The following KIAA0753 variants were observed in gnomAD, a reference collection of about 807,000 sequenced individuals.
KIAA0753 encodes KIAA0753, also known as protein moonraker.
A neutral mutation model predicts 116.9 loss-of-function variants in KIAA0753; 114 were observed. That is an observed-to-expected ratio of 0.98 (90% confidence interval 0.84 to 1.14). KIAA0753 has a LOEUF of 1.14. KIAA0753 is among the 50% of genes most tolerant of loss of function. KIAA0753 has a pLI of 0.00. For missense variants in KIAA0753, 1,156 were observed against 1,172.4 expected (o/e 0.99, Z 0.20); for synonymous variants, 405 against 413.1 (o/e 0.98, Z 0.24).
At chr17:6,621,826 C>T (rs556447367) in intron 6 of KIAA0753, among the ~76,000 whole-genome samples, 1 of 152,118 alleles carries the variant, frequency 6.6e-6, no homozygotes, top group African/African-American at 2.4e-5. Flanking sequence ...ATGTTTCTTA[C>T]GGATACGTTA....
chr17:6,628,783 T>G, intron 2 of KIAA0753, 42 bp from the exon 3 acceptor site: 1 of 1,536,242 alleles, frequency 6.5e-7, no homozygotes, highest in Non-Finnish European at 8.7e-7. Flanking sequence ...CAGAAAAATT[T>G]CATATTGCAC....
chr17:6,628,666 T>C lies in KIAA0753; in HGVS notation c.169A>G (p.Ile57Val), dbSNP rs764920819. Residue 57 changes from isoleucine to valine, a missense_variant, in exon 3 of 19, where the codon ATT (isoleucine) becomes GTT (valine). Ile to Val is a conservative substitution (Grantham distance 29). Transcript: ENST00000361413. ...LAIRYSCPHA[I>V]RIEKLKHSYN... Reference sequence around the variant, plus strand: ...GAGTGCTTCAGTTTTTCAATTCTAATGGCATGTGGGCAAGAATATCGGATC... The same window carrying C: ...GAGTGCTTCAGTTTTTCAATTCTAACGGCATGTGGGCAAGAATATCGGATC... 1.2e-5 allele frequency: 19 copies of C among 1,614,042 alleles called. No homozygotes were observed. In the South Asian group the frequency reaches 1.6e-4, roughly 14 times the overall value.
intron 15 of KIAA0753, 66 bp downstream of exon 15, chr17:6,596,092 G>A (rs1969457283): frequency 4.1e-6 from 6 of 1,477,114 alleles, no homozygotes; most frequent in South Asian, 1.2e-5. Flanking sequence ...AGAGGCATGA[G>A]GAGAAATTGC....
At chr17:6,619,828 TAA>T (rs894918982) in intron 7 of KIAA0753, among the ~76,000 whole-genome samples, 6 of 152,176 alleles carry the variant, frequency 3.9e-5, no homozygotes, top group African/African-American at 1.4e-4. Context: ...TCTAGAGAAA[TAA>T]AAGAGTTAAC....
At chr17:6,626,818 C>A (rs1015791656) in intron 3 of KIAA0753, among the ~76,000 whole-genome samples, 1 of 152,062 alleles carries the variant, frequency 6.6e-6, no homozygotes, top group Non-Finnish European at 1.5e-5. Flanking sequence ...ATAAACCAAC[C>A]CAGTCCTTCC....
At chr17:6,602,394 C>T (rs920559863) in intron 12 of KIAA0753, among the ~76,000 whole-genome samples, 1 of 152,172 alleles carries the variant, frequency 6.6e-6, no homozygotes, top group African/African-American at 2.4e-5. Flanking sequence ...AATGAACAAA[C>T]AGAATGTGGT....
chr17:6,596,448 A>G (rs1028036649), intron 14 of KIAA0753, 105 bp from the exon 15 acceptor site: 2 of 897,342 alleles, frequency 2.2e-6, no homozygotes, highest in African/African-American at 3.3e-5. Context: ...TAATCATAAT[A>G]AACCAACAGC....
chr17:6,615,463 C>T (rs1970833333), intron 7 of KIAA0753, among the ~76,000 whole-genome samples: 1 of 151,674 alleles, frequency 6.6e-6, no homozygotes, highest in African/African-American at 2.4e-5. Flanking sequence ...AAAAGTGCTC[C>T]ACTTAATAAG....
In KIAA0753 at chr17:6,596,244, A is replaced by G. The variant is rs530012548; in HGVS notation, c.2272T>C (p.Leu758=). The G allele has an allele frequency of 2.5e-6, 4 of 1,613,888 alleles. No homozygotes were observed. Among genetic ancestry groups the G allele is most frequent in the Admixed American group, 3.3e-5 (2 of 60,006 alleles). Reference sequence around the variant, plus strand: ...ACGGTGGCTAAGGTTTCAGACCCCAAGATCTTAGCATGAGTCACAGCCCAG... The same window carrying G: ...ACGGTGGCTAAGGTTTCAGACCCCAGGATCTTAGCATGAGTCACAGCCCAG... ...ELWAVTHAKI[L]GSETLATVED... Residue 758 remains leucine (L), a synonymous_variant, in exon 15 of 19, where the codon TTG becomes CTG. Coordinates refer to ENST00000361413, the MANE Select transcript of KIAA0753 (RefSeq NM_014804.3).
chr17:6,610,007 C>T lies in KIAA0753; in HGVS notation c.1699G>A (p.Ala567Thr), dbSNP rs1970425729. 1.2e-6 allele frequency: 2 copies of T among 1,613,940 alleles called. No homozygotes were observed. The highest frequency in any genetic ancestry group is 2.7e-5 in the African/African-American group (2 of 74,900). The change falls in exon 9 of 19, where the codon GCG becomes ACG. Residue 567 changes from alanine to threonine, a missense_variant. Ala to Thr is a moderately conservative substitution (Grantham distance 58). Transcript: ENST00000361413. ...WIPPNPTSPP[A>T]SPKCAAWLKV... is the part of the protein sequence containing the mutation. ...GTTTTCACATACCATTTAGGAGACG[C>T]TGGTGGGGATGTGGGGTTTGGGGGT... is the stretch of plus-strand genomic sequence containing the variant.
chr17:6,579,681 G>T lies in KIAA0753; in HGVS notation c.*66C>A, dbSNP rs2150708848. 2 of 1,145,968 alleles carry T rather than the reference G, an allele frequency of 1.7e-6. No homozygotes were observed. Among genetic ancestry groups the T allele is most frequent in the Non-Finnish European group, 1.3e-6 (1 of 763,848 alleles). The allele number at this position is 1,145,968 out of a possible 1,614,324, so 71.0% of individuals were successfully genotyped here. Reference sequence around the variant, plus strand: ...AGCTGAGGATGAAAATTTCCTGTGGGCCAAAACAAAGGGTGGTGCCATCCC... The same window carrying T: ...AGCTGAGGATGAAAATTTCCTGTGGTCCAAAACAAAGGGTGGTGCCATCCC... On this transcript the variant is annotated 3_prime_UTR_variant, in exon 19 of 19. Coordinates refer to ENST00000361413, the MANE Select transcript of KIAA0753 (RefSeq NM_014804.3).
In KIAA0753 at chr17:6,579,800, C is replaced by T. The variant is rs1253310419; in HGVS notation, c.2851G>A (p.Glu951Lys). The change falls in exon 19 of 19, where the codon GAA becomes AAA. Residue 951 changes from glutamate to lysine, a missense_variant. Glu to Lys is a moderately conservative substitution (Grantham distance 56, BLOSUM62 1). Transcript: ENST00000361413. The part of the protein sequence containing the change: ...AVAAELQDMC[E>K]DYAEAVFTSE... ...GTGAACACAGCTTCTGCATAATCTT[C>T]GCACATATCCTGAAGTTCAGCAGCC... The T allele has an allele frequency of 1.5e-5, 24 of 1,613,920 alleles. No homozygotes were observed. The highest frequency in any genetic ancestry group is 2.2e-5 in the East Asian group (1 of 44,882).
chr17:6,596,543 T>C (rs1482628761), intron 14 of KIAA0753, among the ~76,000 whole-genome samples, 200 bp from the exon 15 acceptor site: 2 of 152,244 alleles, frequency 1.3e-5, no homozygotes, highest in African/African-American at 2.4e-5. Context: ...ATCAGAATGA[T>C]TTTTATCACA....
chr17:6,628,226 C>T lies in KIAA0753; in HGVS notation c.609G>A (p.Arg203=). The change falls in exon 3 of 19, where the codon AGG becomes AGA. Residue 203 remains arginine, a synonymous_variant. Coordinates refer to ENST00000361413, the MANE Select transcript of KIAA0753 (RefSeq NM_014804.3). ...CACTTATGTTTTTGTGGTCACCTAT[C>T]CTGGGATGAGGCTGAAGTCCCGGAT... is the stretch of plus-strand genomic sequence containing the variant. ...THDPGLQPHP[R]IGDHKNISEQ... is the part of the protein sequence containing the mutation. The T allele has an allele frequency of 6.2e-7, 1 of 1,612,006 alleles. No individual in the cohort carries two copies. Among genetic ancestry groups the T allele is most frequent in the Non-Finnish European group, 8.5e-7 (1 of 1,179,022 alleles).
chr17:6,632,382 A>G (rs1972067845), intron 2 of KIAA0753, among the ~76,000 whole-genome samples: 1 of 152,250 alleles, frequency 6.6e-6, no homozygotes, highest in Non-Finnish European at 1.5e-5. Context: ...CTGTGCTGAA[A>G]TAAATAAGTA....
At chr17:6,591,070 A>AGGAAGAAGGAAGAAG (rs879668434) in intron 16 of KIAA0753, among the ~76,000 whole-genome samples, 10 of 129,754 alleles carry the variant, frequency 7.7e-5, no homozygotes, top group African/African-American at 3.2e-4. Flanking sequence ...AAGAAGAAGA[A>AGGAAGAAGGAAGAAG]GAAGAAGAAG....
At position 6,628,535 on chromosome 17, in the gene KIAA0753, A is replaced by G. The variant is rs770004846; in HGVS notation, c.300T>C (p.Ala100=). 6.2e-6 allele frequency: 10 copies of G among 1,614,114 alleles called. No individual in the cohort carries two copies. In the South Asian group the frequency reaches 9.9e-5, roughly 16 times the overall value. The change falls in exon 3 of 19, where the codon GCT becomes GCC. Residue 100 remains alanine, a synonymous_variant. Coordinates refer to ENST00000361413, the MANE Select transcript of KIAA0753 (RefSeq NM_014804.3). ...SVISQERLSY[A]VHLARRDVKR... is the part of the protein sequence containing the mutation. ...TCACATCTCTTCTGGCTAGGTGGAC[A>G]GCATAGCTAAGTCTCTCTTGGGATA...
chr17:6,591,548 C>A (rs767098097), intron 16 of KIAA0753, among the ~76,000 whole-genome samples: 1 of 152,212 alleles, frequency 6.6e-6, no homozygotes, highest in Non-Finnish European at 1.5e-5. Context: ...TACTACGATT[C>A]CATGATTCCA....
intron 3 of KIAA0753, among the ~76,000 whole-genome samples, chr17:6,626,285 G>T (rs774733364): frequency 1.3e-5 from 2 of 152,138 alleles, no homozygotes; most frequent in African/African-American, 4.8e-5. Flanking sequence ...AAAGAAAAGG[G>T]AGTCTTCAAT....
Sources: gnomAD v4.1 joint callset for allele counts (sites outside exome capture counted in the v4.1 genomes callset) on GRCh38, gnomAD v4.1.1 for gene constraint, MANE v1.5 for transcripts, NCBI Gene and HGNC (gene_info 2026-07-23, HGNC 2026-07-21) for gene names.